The following TENM1 variants were observed in gnomAD, a reference collection of about 807,000 sequenced individuals.
The protein encoded by TENM1 is teneurin-1.
TENM1 carries 35 observed loss-of-function variants against 174.8 expected under a neutral mutation model. The observed-to-expected ratio is 0.20, with a 90% confidence interval of 0.15 to 0.27. TENM1 has a LOEUF of 0.27. TENM1 is among the 10% of genes least tolerant of loss of function. The pLI is 1.00. For missense variants in TENM1, 1,633 were observed against 2,130.1 expected, an observed-to-expected ratio of 0.77 and a Z score of 4.59; for synonymous variants, 781 against 798.7, an observed-to-expected ratio of 0.98 and a Z score of 0.37.
intron 3 of TENM1, among the ~76,000 whole-genome samples, chrX:124,870,471 G>T (rs765068374): frequency 1.8e-5 from 2 of 111,744 alleles, no homozygotes; most frequent in East Asian, 5.6e-4. Flanking sequence ...AGAGTTCAGG[G>T]ATTATGGTGC....
chrX:125,170,717 G>T, the TENM1 span, among the ~76,000 whole-genome samples: 1 of 110,858 alleles, frequency 9.0e-6, no homozygotes, highest in Admixed American at 9.6e-5. Flanking sequence ...ACCCTCTAGG[G>T]AATAAAATGG....
intron 3 of TENM1, among the ~76,000 whole-genome samples, chrX:124,772,634 T>A: frequency 8.9e-6 from 1 of 112,030 alleles, no homozygotes; most frequent in Middle Eastern, 4.6e-3. Flanking sequence ...TAAATAATAA[T>A]CTGAAATCAT....
chrX:125,088,826 G>A, the TENM1 span, among the ~76,000 whole-genome samples: 1 of 110,920 alleles, frequency 9.0e-6, no homozygotes, highest in Non-Finnish European at 1.9e-5. Flanking sequence ...AAAATTGCAC[G>A]TGTTCCCCTT....
At chrX:124,551,591 A>C (rs1051039264) in intron 14 of TENM1, among the ~76,000 whole-genome samples, 1 of 111,180 alleles carries the variant, frequency 9.0e-6, no homozygotes, top group Non-Finnish European at 1.9e-5. Flanking sequence ...AGGGACAAGA[A>C]GAAAACCGTT....
At chrX:124,422,788 G>C (rs1603261597) in intron 23 of TENM1, 150 bp from the exon 27 acceptor site, 2 of 482,621 alleles carry the variant, frequency 4.1e-6, no homozygotes, top group Non-Finnish European at 7.0e-6. Context: ...GTGGAGGGCA[G>C]GGGGAGGATG....
chrX:124,505,301 G>A (rs1004339143), intron 18 of TENM1, among the ~76,000 whole-genome samples: 4 of 111,852 alleles, frequency 3.6e-5, no homozygotes, highest in South Asian at 3.8e-4. Context: ...TCAACCAAGC[G>A]TTATTAGCAA....
chrX:124,793,358 G>A (rs1158526087), intron 3 of TENM1, among the ~76,000 whole-genome samples: 1 of 111,543 alleles, frequency 9.0e-6, no homozygotes, highest in Non-Finnish European at 1.9e-5. Flanking sequence ...TAGACTGGAA[G>A]CAGGTATCTT....
chrX:124,893,642 C>T (rs2057511807), intron 3 of TENM1, among the ~76,000 whole-genome samples: 1 of 110,916 alleles, frequency 9.0e-6, no homozygotes. Context: ...TTGTGAAAAC[C>T]ATTTATAAAT....
intron 18 of TENM1, among the ~76,000 whole-genome samples, chrX:124,509,878 G>A (rs2047541684): frequency 2.8e-5 from 3 of 107,147 alleles, no homozygotes; most frequent in African/African-American, 7.2e-5. Flanking sequence ...GTGCCACCAC[G>A]CCTGGCTAAT....
intron 22 of TENM1, among the ~76,000 whole-genome samples, chrX:124,455,253 C>T (rs2061092118): frequency 9.0e-6 from 1 of 111,497 alleles, no homozygotes; most frequent in Admixed American, 9.6e-5. Flanking sequence ...TCCATAAATC[C>T]CTTTATAATT....
At chrX:125,041,430 G>T in the TENM1 span, among the ~76,000 whole-genome samples, 3 of 111,065 alleles carry the variant, frequency 2.7e-5, no homozygotes, top group African/African-American at 9.8e-5. Context: ...AACCAGTAAC[G>T]AGCAGAGGTG....
the TENM1 span, among the ~76,000 whole-genome samples, chrX:125,164,239 G>C: frequency 9.0e-6 from 1 of 111,292 alleles, no homozygotes; most frequent in Non-Finnish European, 1.9e-5. Context: ...ATAGCTAACT[G>C]CAATACCCTT....
chrX:124,721,780 T>C (rs747299321), intron 4 of TENM1, among the ~76,000 whole-genome samples: 1 of 112,510 alleles, frequency 8.9e-6, no homozygotes, highest in African/African-American at 3.2e-5. Flanking sequence ...CTCAGTTATT[T>C]TACCATTAAA....
chrX:124,476,671 T>C (rs1389071913), intron 22 of TENM1, among the ~76,000 whole-genome samples: 1 of 112,229 alleles, frequency 8.9e-6, no homozygotes, highest in Non-Finnish European at 1.9e-5. Flanking sequence ...AAAAAATAAA[T>C]GCATCCAGCT....
the TENM1 span, among the ~76,000 whole-genome samples, chrX:125,081,555 A>G: frequency 9.0e-6 from 1 of 111,001 alleles, no homozygotes; most frequent in African/African-American, 3.3e-5. Context: ...CCTATCTCAC[A>G]CAGACTCAAT....
intron 5 of TENM1, among the ~76,000 whole-genome samples, chrX:124,676,540 T>C: frequency 9.4e-6 from 1 of 105,988 alleles, no homozygotes; most frequent in South Asian, 4.2e-4. Flanking sequence ...CTTCCTTTTC[T>C]ATCCAATTGC....
intron 16 of TENM1, among the ~76,000 whole-genome samples, chrX:124,526,962 C>T (rs1213624741): frequency 1.8e-5 from 2 of 112,105 alleles, no homozygotes; most frequent in African/African-American, 3.2e-5. Flanking sequence ...TCTCTTTCAA[C>T]ACTTGACTGA....
At chrX:125,064,092 T>C in the TENM1 span, among the ~76,000 whole-genome samples, 2 of 102,599 alleles carry the variant, frequency 1.9e-5, no homozygotes, top group East Asian at 6.1e-4. Context: ...TTCTCACTCA[T>C]AGGTGGGAAT....
At chrX:125,129,119 T>C in the TENM1 span, among the ~76,000 whole-genome samples, 1 of 111,836 alleles carries the variant, frequency 8.9e-6, no homozygotes, top group East Asian at 2.8e-4. Flanking sequence ...AAGGCAGTTG[T>C]CTACGAGCCA....
Sources: gnomAD v4.1 joint callset for allele counts (sites outside exome capture counted in the v4.1 genomes callset) on GRCh38, gnomAD v4.1.1 for gene constraint, MANE v1.5 for transcripts, NCBI Gene and HGNC (gene_info 2026-07-23, HGNC 2026-07-21) for gene names.